Variants in MYO1D observed in about 807,000 individuals in gnomAD.
The protein encoded by MYO1D is unconventional myosin-Id.
MYO1D carries 83 observed loss-of-function variants against 122.0 expected under a neutral mutation model. The observed-to-expected ratio is 0.68, with a 90% CI of 0.57 to 0.82. The LOEUF (loss-of-function observed/expected upper bound fraction) is 0.82. Among genes scored for constraint, MYO1D ranks in the 40% least tolerant of loss-of-function variants. MYO1D has a pLI of 0.00. For missense variants in MYO1D, 1,157 were observed against 1,269.5 expected, an observed-to-expected ratio of 0.91 and a Z score of 1.35; for synonymous variants, 464 against 446.9, an observed-to-expected ratio of 1.04 and a Z score of -0.48.
At chr17:32,545,938 A>G (rs1284848565) in intron 21 of MYO1D, among the ~76,000 whole-genome samples, 1 of 152,058 alleles carries the variant, frequency 6.6e-6, no homozygotes, top group Non-Finnish European at 1.5e-5. Context: ...GGGAGTATGC[A>G]TCTGAAGCCC....
At chr17:32,812,854 C>T (rs1018325506) in intron 1 of MYO1D, among the ~76,000 whole-genome samples, 1 of 152,146 alleles carries the variant, frequency 6.6e-6, no homozygotes, top group African/African-American at 2.4e-5. Flanking sequence ...CTACAAAATG[C>T]CAAGCACTAG....
rs566649007 is a variant in MYO1D, at chr17:32,857,494, G to A, written c.95+19284C>T. On this transcript the variant is annotated intron_variant, in intron 1 of 21. Transcript: ENST00000318217. ...CAGCTACTCAGGAGGCTGAGGCAGG[G>A]GAATGGCGTGAACCCAGGAGGTGGA... Among the ~76,000 whole-genome samples the A allele has an allele frequency of 6.9e-3, 1,053 of 151,788 alleles. 12 individuals are homozygous for A. Among genetic ancestry groups the A allele is most frequent in the South Asian group, 0.011 (52 of 4,796 alleles).
intron 20 of MYO1D, among the ~76,000 whole-genome samples, chr17:32,611,972 G>A (rs745510703): frequency 6.6e-6 from 1 of 152,226 alleles, no homozygotes; most frequent in Non-Finnish European, 1.5e-5. Context: ...GAAAAAGGAT[G>A]TGTAAGGTTC....
At chr17:32,740,757 C>T (rs2089762659) in intron 13 of MYO1D, among the ~76,000 whole-genome samples, 2 of 152,094 alleles carry the variant, frequency 1.3e-5, no homozygotes, top group South Asian at 4.1e-4. Context: ...TTACAGGTGT[C>T]AGCCACCATG....
intron 17 of MYO1D, among the ~76,000 whole-genome samples, chr17:32,656,568 C>A (rs977908695): frequency 6.6e-6 from 1 of 152,182 alleles, no homozygotes; most frequent in Non-Finnish European, 1.5e-5. Flanking sequence ...TGCAGTGAGG[C>A]AGGCCACATG....
intron 1 of MYO1D, among the ~76,000 whole-genome samples, chr17:32,828,070 A>T (rs1046711551): frequency 6.6e-6 from 1 of 152,240 alleles, no homozygotes; most frequent in Non-Finnish European, 1.5e-5. Flanking sequence ...AAGCACAATG[A>T]AAAACACTTC....
At chr17:32,772,677 C>T (rs980709216) in intron 5 of MYO1D, 112 bp downstream of exon 5, 15 of 859,166 alleles carry the variant, frequency 1.7e-5, no homozygotes, top group Non-Finnish European at 2.7e-5. Context: ...TGACATGTTA[C>T]GGGGCCAATG....
intron 3 of MYO1D, 118 bp downstream of exon 3, chr17:32,778,362 A>C: frequency 1.3e-6 from 1 of 764,576 alleles, no homozygotes; most frequent in East Asian, 2.5e-5. Context: ...TCATCAAAAA[A>C]TGCTCAGCCC....
intron 1 of MYO1D, among the ~76,000 whole-genome samples, chr17:32,871,476 AG>A (rs2091179955): frequency 6.6e-6 from 1 of 152,252 alleles, no homozygotes; most frequent in Admixed American, 6.5e-5. Flanking sequence ...TGGCATGCAC[AG>A]TGCTTCAGAT....
intron 21 of MYO1D, chr17:32,499,066 G>T (rs146724969): frequency 2.0e-5 from 3 of 152,250 alleles, no homozygotes; most frequent in Non-Finnish European, 2.9e-5. Context: ...GCCGGGTGTG[G>T]TGGTGGGTGC....
intron 21 of MYO1D, among the ~76,000 whole-genome samples, chr17:32,566,210 G>A (rs386727): frequency 0.66 from 99,606 of 151,836 alleles, 33,828 homozygotes; most frequent in African/African-American, 0.84. Flanking sequence ...AAAAGTATAC[G>A]AAAAGGAAGT....
chr17:32,520,020 G>A (rs1423780226), intron 21 of MYO1D, among the ~76,000 whole-genome samples: 1 of 152,034 alleles, frequency 6.6e-6, no homozygotes, highest in Non-Finnish European at 1.5e-5. Flanking sequence ...AGGCCCACAG[G>A]AGCCATACTG....
intron 1 of MYO1D, among the ~76,000 whole-genome samples, chr17:32,808,202 T>C (rs2090535884): frequency 6.6e-6 from 1 of 151,932 alleles, no homozygotes; most frequent in African/African-American, 2.4e-5. Flanking sequence ...AGTAAAACCT[T>C]GTCTCCGCAA....
chr17:32,659,233 C>T lies in MYO1D; in HGVS notation c.2227G>A (p.Val743Met). Residue 743 changes from valine (V) to methionine (M), a missense_variant, in exon 17 of 22, where the codon GTG (valine) becomes ATG (methionine). Coordinates refer to ENST00000318217, the MANE Select transcript of MYO1D (RefSeq NM_015194.3). ...RYKVKSYIHEVARRFHGVKTM... is the reference protein window; with the variant it reads ...RYKVKSYIHEMARRFHGVKTM... Reference sequence around the variant, plus strand: ...TTGACGCCATGGAAGCGTCTGGCCACCTCGTGGATGTACGACTTCACTTTG... The same window carrying T: ...TTGACGCCATGGAAGCGTCTGGCCATCTCGTGGATGTACGACTTCACTTTG... 6.2e-7 allele frequency: 1 copy of T among 1,614,230 alleles called. No individual in the cohort carries two copies. The highest frequency in any genetic ancestry group is 1.3e-5 in the African/African-American group (1 of 75,062).
chr17:32,831,490 T>C (rs904522844), intron 1 of MYO1D, among the ~76,000 whole-genome samples: 1 of 152,248 alleles, frequency 6.6e-6, no homozygotes, highest in Non-Finnish European at 1.5e-5. Context: ...GATAATGAGA[T>C]ACTTAGTAAT....
Position 32,646,523 on chromosome 17 carries a change from C to A in MYO1D, c.2595+7320G>T, listed in dbSNP as rs187492356. 1.2e-4 allele frequency among the ~76,000 whole-genome samples: 19 copies of A among 152,018 alleles called. No homozygotes were observed. The East Asian group carries it at 3.5e-3, about 28-fold the overall frequency. On this transcript the variant is annotated intron_variant, in intron 19 of 21. Transcript: ENST00000318217. ...GCACGTCATCTTTTGTGGAATCATA[C>A]TGAAAAACATATGAGTGTAGGGCAA...
At chr17:32,720,645 T>C (rs1420903787) in intron 15 of MYO1D, among the ~76,000 whole-genome samples, 1 of 152,222 alleles carries the variant, frequency 6.6e-6, no homozygotes, top group Non-Finnish European at 1.5e-5. Flanking sequence ...ATAACAGTCC[T>C]ATGAAATGTT....
chr17:32,748,405 C>T (rs1419459177), intron 12 of MYO1D, among the ~76,000 whole-genome samples: 6 of 151,990 alleles, frequency 3.9e-5, no homozygotes, highest in Non-Finnish European at 7.4e-5. Context: ...CCCTGACTAA[C>T]CCTCTTTTAC....
chr17:32,876,739 G>T, intron 1 of MYO1D, 39 bp downstream of exon 1: 1 of 1,458,440 alleles, frequency 6.9e-7, no homozygotes, highest in Non-Finnish European at 9.1e-7. Context: ...TCGGGAAAGC[G>T]CAGCCTCGCG....
Sources: gnomAD v4.1 joint callset for allele counts (sites outside exome capture counted in the v4.1 genomes callset) on GRCh38, gnomAD v4.1.1 for gene constraint, MANE v1.5 for transcripts, NCBI Gene and HGNC (gene_info 2026-07-23, HGNC 2026-07-21) for gene names.